The following NPNT variants were observed in gnomAD, a reference collection of about 807,000 sequenced individuals.
NPNT encodes the protein nephronectin.
In NPNT, 45 loss-of-function variants were observed where a neutral mutation model predicts 68.6. The ratio of observed to expected loss-of-function variants is 0.66; its 90% CI spans 0.52 to 0.84. The LOEUF (loss-of-function observed/expected upper bound fraction) is 0.84. Among genes scored for constraint, NPNT ranks in the 40% least tolerant of loss-of-function variants. The pLI is 0.00. For missense variants in NPNT, 672 were observed against 714.8 expected, an observed-to-expected ratio of 0.94 and a Z score of 0.68; for synonymous variants, 233 against 253.3, an observed-to-expected ratio of 0.92 and a Z score of 0.76.
At chr4:105,898,318 C>CTG (rs1726075145) in intron 2 of NPNT, among the ~76,000 whole-genome samples, 1 of 127,498 alleles carries the variant, frequency 7.8e-6, no homozygotes, top group African/African-American at 4.0e-5. Context: ...CTCTGTCTCT[C>CTG]TCTCTCTCTG....
intron 8 of NPNT, 116 bp downstream of exon 8, chr4:105,942,818 G>A (rs536197130): frequency 8.9e-5 from 85 of 955,258 alleles, no homozygotes; most frequent in Admixed American, 3.4e-4. Flanking sequence ...ATGTAAAGTC[G>A]TATGTCCCTA....
rs1726137742 is a variant in NPNT, at chr4:105,898,448, G to A, written c.172+447G>A. The stretch of plus-strand genomic sequence containing the variant: ...TGAGTCTAGACCGTATTTACACTGG[G>A]GATAAGATAATGAGTCTAGACCGTA... On this transcript the variant is annotated intron_variant, in intron 2 of 11. Coordinates refer to ENST00000379987, the MANE Select transcript of NPNT (RefSeq NM_001033047.3). 2.7e-5 allele frequency among the ~76,000 whole-genome samples: 4 copies of A among 149,800 alleles called. No homozygotes were observed. In the South Asian group the frequency reaches 6.4e-4, roughly 24 times the overall value.
chr4:105,951,612 G>A (rs1384993050), intron 8 of NPNT, among the ~76,000 whole-genome samples: 3 of 152,216 alleles, frequency 2.0e-5, no homozygotes, highest in South Asian at 2.1e-4. Flanking sequence ...CTGAGAAGAT[G>A]CCTGATATCT....
rs143168697 is a variant in NPNT at position 105,940,562 on chromosome 4, G to A, written c.689G>A (p.Arg230Gln). ...LGQYQCSSFA[R>Q]CYNIRGSYKC... ...CAGTATCAGTGCAGCAGCTTTGCTC[G>A]ATGTTATAACATACGTGGGTCCTAC... Residue 230 changes from arginine (R) to glutamine (Q), a missense_variant, in exon 7 of 12, where the codon CGA becomes CAA. Transcript: ENST00000379987. 77 of 1,613,026 alleles carry A rather than the reference G, an allele frequency of 4.8e-5. No homozygotes were observed. Among genetic ancestry groups the A allele is most frequent in the African/African-American group, 4.0e-4 (30 of 74,984 alleles).
At chr4:105,913,874 T>G (rs368101403) in intron 2 of NPNT, among the ~76,000 whole-genome samples, 1 of 152,160 alleles carries the variant, frequency 6.6e-6, no homozygotes, top group African/African-American at 2.4e-5. Flanking sequence ...TAACAGTGTT[T>G]GTGCTTGGGA....
intron 8 of NPNT, 51 bp from the exon 9 acceptor site, chr4:105,958,420 C>T (rs377650887): frequency 9.4e-7 from 1 of 1,064,292 alleles, no homozygotes; most frequent in African/African-American, 1.6e-5. Flanking sequence ...GCCTCTTTAT[C>T]AATACTTCAC....
intron 10 of NPNT, among the ~76,000 whole-genome samples, chr4:105,961,758 G>A (rs1200062578): frequency 6.6e-6 from 1 of 152,176 alleles, no homozygotes; most frequent in Non-Finnish European, 1.5e-5. Context: ...TGGATAACTC[G>A]TGATGATTGG....
chr4:105,905,264 C>A (rs1321984297), intron 2 of NPNT, among the ~76,000 whole-genome samples: 1 of 152,118 alleles, frequency 6.6e-6, no homozygotes, highest in Non-Finnish European at 1.5e-5. Context: ...TTATTCTAAT[C>A]CTTATTCCAA....
At chr4:105,901,630 T>G (rs1726425025) in intron 2 of NPNT, among the ~76,000 whole-genome samples, 1 of 152,216 alleles carries the variant, frequency 6.6e-6, no homozygotes, top group African/African-American at 2.4e-5. Flanking sequence ...TTAGGATGGT[T>G]TTGTATCATT....
chr4:105,967,240 A>G lies in NPNT; in HGVS notation c.1398A>G (p.Ala466=). 1 of 1,613,998 alleles carries G rather than the reference A, an allele frequency of 6.2e-7. No homozygotes were observed. The highest frequency in any genetic ancestry group is 1.7e-5 in the Admixed American group (1 of 60,026). ...CCAAAGCCCCAGGGGGAAAAGCTGCACGCTTGGTGCTACCTCTCGGCCGCC... is the reference window on the plus strand; with the variant it reads ...CCAAAGCCCCAGGGGGAAAAGCTGCGCGCTTGGTGCTACCTCTCGGCCGCC... ...SAAKAPGGKA[A]RLVLPLGRLM... is the part of the protein sequence containing the mutation. Residue 466 remains alanine (A), a synonymous_variant, in exon 11 of 12, where the codon GCA becomes GCG. Transcript: ENST00000379987.
rs760916205 is a variant in NPNT at position 105,970,481 on chromosome 4, G to A, written c.*1491G>A. The A allele has an allele frequency of 1.4e-6, 1 of 695,846 alleles. No homozygotes were observed. The highest frequency in any genetic ancestry group is 1.5e-5 in the South Asian group (1 of 67,440). The allele number at this position is 695,846 out of a possible 1,614,324, so 43.1% of individuals were successfully genotyped here. A position where few individuals can be genotyped will look rare whatever the true frequency, so the allele number is the denominator to read the frequency against. ...AGCCTGGAGAAGAGAAGACTGAGGG[G>A]CAAACCATTGATGGTTTTCAAGTAT... On this transcript the variant is annotated 3_prime_UTR_variant, in exon 12 of 12. Transcript: ENST00000379987.
intron 2 of NPNT, among the ~76,000 whole-genome samples, chr4:105,917,127 G>A (rs1328994911): frequency 6.6e-6 from 1 of 152,182 alleles, no homozygotes; most frequent in African/African-American, 2.4e-5. Context: ...ATTATGGGTA[G>A]AATCTTGATT....
chr4:105,909,327 A>G (rs1727168583), intron 2 of NPNT, among the ~76,000 whole-genome samples: 1 of 152,166 alleles, frequency 6.6e-6, no homozygotes, highest in Admixed American at 6.5e-5. Flanking sequence ...GAGTTTTTAC[A>G]TCATTGAAGA....
chr4:105,957,604 T>C (rs998962984), intron 8 of NPNT, among the ~76,000 whole-genome samples: 18 of 152,122 alleles, frequency 1.2e-4, no homozygotes, highest in African/African-American at 4.3e-4. Flanking sequence ...TAAGACATGA[T>C]TGATGCCCTC....
At chr4:105,934,754 A>G (rs755400185) in intron 3 of NPNT, among the ~76,000 whole-genome samples, 6 of 152,204 alleles carry the variant, frequency 3.9e-5, no homozygotes, top group Non-Finnish European at 7.3e-5. Context: ...TCACATATTC[A>G]TACAGTCCAG....
intron 8 of NPNT, among the ~76,000 whole-genome samples, chr4:105,944,525 A>G (rs556967479): frequency 6.6e-6 from 1 of 152,326 alleles, no homozygotes; most frequent in Non-Finnish European, 1.5e-5. Flanking sequence ...CTCTATGCCA[A>G]TACATATATG....
intron 2 of NPNT, among the ~76,000 whole-genome samples, chr4:105,919,039 T>G (rs1191273548): frequency 1.3e-5 from 2 of 152,174 alleles, no homozygotes; most frequent in African/African-American, 2.4e-5. Flanking sequence ...GCATCTATGC[T>G]TGTAAACCTT....
chr4:105,943,831 A>G (rs995198038), intron 8 of NPNT, among the ~76,000 whole-genome samples: 1 of 152,114 alleles, frequency 6.6e-6, no homozygotes, highest in African/African-American at 2.4e-5. Flanking sequence ...CAGGTGAAAA[A>G]AATACTGACA....
At chr4:105,903,924 A>G (rs1281410435) in intron 2 of NPNT, among the ~76,000 whole-genome samples, 1 of 151,620 alleles carries the variant, frequency 6.6e-6, no homozygotes, top group Non-Finnish European at 1.5e-5. Flanking sequence ...AGTTGGGACC[A>G]CAGGTGTGAG....
Sources: gnomAD v4.1 joint callset for allele counts (sites outside exome capture counted in the v4.1 genomes callset) on GRCh38, gnomAD v4.1.1 for gene constraint, MANE v1.5 for transcripts, NCBI Gene and HGNC (gene_info 2026-07-23, HGNC 2026-07-21) for gene names.